IMMP2L: variants seen among roughly 807,000 people sequenced by gnomAD.
IMMP2L encodes inner mitochondrial membrane peptidase subunit 2.
A neutral mutation model predicts 19.3 loss-of-function variants in IMMP2L; 18 were observed. That is an observed-to-expected ratio of 0.93 (90% CI 0.64 to 1.38). The LOEUF (loss-of-function observed/expected upper bound fraction) is 1.38, where lower values mean the gene tolerates loss of function less well. Among genes scored for constraint, IMMP2L ranks in the 40% most tolerant of loss-of-function variants. IMMP2L has a pLI of 0.00. For synonymous variants in IMMP2L, 76 were observed against 73.0 expected, an observed-to-expected ratio of 1.04 and a Z score of -0.21; for missense variants, 233 against 218.2, an observed-to-expected ratio of 1.07 and a Z score of -0.43.
chr7:111,228,724 ATATTC>A (rs1813381265), intron 3 of IMMP2L, among the ~76,000 whole-genome samples: 1 of 152,172 alleles, frequency 6.6e-6, no homozygotes, highest in African/African-American at 2.4e-5. Flanking sequence ...AAATGCATAA[ATATTC>A]TATAGTTATT....
chr7:110,796,515 G>C (rs762849051), intron 5 of IMMP2L, among the ~76,000 whole-genome samples: 44 of 151,910 alleles, frequency 2.9e-4, no homozygotes, highest in Non-Finnish European at 5.9e-4. Context: ...AAACTCTCCA[G>C]TTAAATATTA....
intron 4 of IMMP2L, among the ~76,000 whole-genome samples, chr7:110,899,344 T>A (rs973005575): frequency 2.6e-5 from 4 of 152,146 alleles, no homozygotes; most frequent in Non-Finnish European, 5.9e-5. Flanking sequence ...TAGTTTGCTA[T>A]TATCATGTAT....
At chr7:111,186,226 T>A (rs2129612016) in intron 3 of IMMP2L, among the ~76,000 whole-genome samples, 1 of 127,324 alleles carries the variant, frequency 7.9e-6, no homozygotes, top group East Asian at 2.4e-4. Context: ...GTAATTAACC[T>A]TTTCTAAAGG....
At chr7:111,314,453 G>A (rs1259569358) in intron 3 of IMMP2L, among the ~76,000 whole-genome samples, 1 of 152,114 alleles carries the variant, frequency 6.6e-6, no homozygotes, top group Non-Finnish European at 1.5e-5. Flanking sequence ...ACAATTGATT[G>A]AATGATGTTG....
In IMMP2L at chr7:111,295,390, A is replaced by C. The variant is rs570158490; in HGVS notation, c.239+191848T>G. On this transcript the variant is annotated intron_variant, in intron 3 of 5. Coordinates refer to ENST00000405709, the MANE Select transcript of IMMP2L (RefSeq NM_032549.4). ...CATATGACAAAGCTTAAGTACTGAAATTGTGGTACAGCCCTAAAGCCTTCA... is the reference window on the plus strand; with the variant it reads ...CATATGACAAAGCTTAAGTACTGAACTTGTGGTACAGCCCTAAAGCCTTCA... Among the ~76,000 whole-genome samples, 13 of 152,056 alleles carry C rather than the reference A, an allele frequency of 8.5e-5. No individual in the cohort carries two copies. The South Asian group carries it at 2.3e-3, about 27-fold the overall frequency.
intron 4 of IMMP2L, among the ~76,000 whole-genome samples, chr7:110,943,168 G>A (rs1304683160): frequency 6.6e-6 from 1 of 152,000 alleles, no homozygotes; most frequent in Non-Finnish European, 1.5e-5. Flanking sequence ...CTCCAGCAAT[G>A]CTGGCATGAC....
intron 5 of IMMP2L, among the ~76,000 whole-genome samples, chr7:110,780,086 C>T (rs576543465): frequency 4.9e-4 from 75 of 151,684 alleles, no homozygotes; most frequent in African/African-American, 1.6e-3. Context: ...TCATCTTTGA[C>T]ACATGAGTTA....
chr7:111,292,382 A>G (rs1464438565), intron 3 of IMMP2L, among the ~76,000 whole-genome samples: 1 of 152,072 alleles, frequency 6.6e-6, no homozygotes, highest in African/African-American at 2.4e-5. Flanking sequence ...TTATCCTCTT[A>G]CATTTGTACA....
intron 3 of IMMP2L, among the ~76,000 whole-genome samples, chr7:111,243,074 T>C (rs1266552296): frequency 1.3e-5 from 2 of 152,072 alleles, no homozygotes; most frequent in East Asian, 1.9e-4. Flanking sequence ...AAAAATATTG[T>C]TACTAAAACA....
At chr7:111,167,113 T>C (rs1805908682) in intron 3 of IMMP2L, among the ~76,000 whole-genome samples, 1 of 152,018 alleles carries the variant, frequency 6.6e-6, no homozygotes, top group African/African-American at 2.4e-5. Flanking sequence ...GGCAATGTTC[T>C]ACCATTTAGT....
chr7:111,280,781 T>C (rs1819602757), intron 3 of IMMP2L, among the ~76,000 whole-genome samples: 1 of 151,138 alleles, frequency 6.6e-6, no homozygotes, highest in Admixed American at 6.6e-5. Flanking sequence ...AAGAAAGGAG[T>C]GAAATTGGCC....
At chr7:111,390,880 C>T (rs1251684932) in intron 3 of IMMP2L, 11 of 152,094 alleles carry the variant, frequency 7.2e-5, no homozygotes, top group Non-Finnish European at 1.2e-4. Flanking sequence ...AATGCAGACA[C>T]ATTAACACGT....
At chr7:111,014,450 T>C (rs1825294206) in intron 3 of IMMP2L, among the ~76,000 whole-genome samples, 1 of 152,096 alleles carries the variant, frequency 6.6e-6, no homozygotes, top group African/African-American at 2.4e-5. Flanking sequence ...CAAATATAAA[T>C]GACTCCTGGA....
intron 3 of IMMP2L, among the ~76,000 whole-genome samples, chr7:111,399,236 G>T (rs1375035479): frequency 1.3e-5 from 2 of 152,106 alleles, no homozygotes; most frequent in Non-Finnish European, 2.9e-5. Context: ...AAACTATACT[G>T]TAAGGCCATA....
At chr7:111,276,444 G>A (rs1034602957) in intron 3 of IMMP2L, among the ~76,000 whole-genome samples, 3 of 152,004 alleles carry the variant, frequency 2.0e-5, no homozygotes, top group Non-Finnish European at 4.4e-5. Flanking sequence ...TTGGGATGAG[G>A]TTGATGCTGG....
At chr7:111,344,753 T>C (rs1367293796) in intron 3 of IMMP2L, among the ~76,000 whole-genome samples, 1 of 152,194 alleles carries the variant, frequency 6.6e-6, no homozygotes, top group African/African-American at 2.4e-5. Flanking sequence ...GATTAAGTCA[T>C]GTATTAACAT....
intron 4 of IMMP2L, among the ~76,000 whole-genome samples, chr7:110,959,176 G>A (rs1818674864): frequency 1.3e-5 from 2 of 151,916 alleles, no homozygotes; most frequent in South Asian, 4.1e-4. Flanking sequence ...AGGACTGTTT[G>A]CTTGATCATT....
intron 3 of IMMP2L, among the ~76,000 whole-genome samples, chr7:111,391,353 G>A (rs1321690354): frequency 1.3e-5 from 2 of 152,018 alleles, no homozygotes; most frequent in African/African-American, 4.8e-5. Flanking sequence ...CACCAAGAGG[G>A]GTTGTTTTGT....
At chr7:111,545,163 A>G (rs1193969975) in intron 1 of IMMP2L, among the ~76,000 whole-genome samples, 2 of 152,102 alleles carry the variant, frequency 1.3e-5, no homozygotes, top group Non-Finnish European at 2.9e-5. Flanking sequence ...TAAAAAAGAG[A>G]AAGAACAGGT....
Sources: allele counts gnomAD v4.1 joint callset (sites outside exome capture counted in the v4.1 genomes callset), GRCh38; gene constraint gnomAD v4.1.1; transcripts MANE v1.5; gene names NCBI Gene and HGNC (gene_info 2026-07-23, HGNC 2026-07-21).